The following CATSPER4 variants were observed in gnomAD, a reference collection of about 807,000 sequenced individuals.
The protein encoded by CATSPER4 is cation channel sperm-associated protein 4.
A neutral mutation model predicts 54.4 loss-of-function variants in CATSPER4; 46 were observed. The observed-to-expected ratio is 0.84, with a 90% CI of 0.67 to 1.08. The LOEUF is 1.08. CATSPER4 is among the 50% of genes least tolerant of loss of function. CATSPER4 has a pLI of 0.00. For missense variants in CATSPER4, 574 were observed against 612.8 expected (o/e 0.94, Z 0.67); for synonymous variants, 230 against 231.9 (o/e 0.99, Z 0.08).
chr1:26,190,710 G>GT lies in CATSPER4; in HGVS notation c.84dup (p.Met29TyrfsTer95). On this transcript the variant is annotated frameshift_variant, in exon 1 of 10. Transcript: ENST00000456354. LOFTEE classifies it high-confidence loss of function. ...GGGTGGGGCGGGACTCAGGAGGACC[G>GT]TATGGGGTTTGGAGGGGCAGTAGCT... 1.9e-6 allele frequency: 3 copies of GT among 1,613,210 alleles called. No individual in the cohort carries two copies. Among genetic ancestry groups the GT allele is most frequent in the Non-Finnish European group, 2.5e-6 (3 of 1,179,926 alleles).
Position 26,198,032 on chromosome 1 carries a change from G to A in CATSPER4, c.633G>A (p.Val211=), listed in dbSNP as rs1226198567. 2 of 1,614,004 alleles carry A rather than the reference G, an allele frequency of 1.2e-6. No individual in the cohort carries two copies. The highest frequency in any genetic ancestry group is 3.3e-5 in the Admixed American group (2 of 60,026). Residue 211 remains valine (V), a synonymous_variant, in exon 5 of 10, where the codon GTG becomes GTA. Transcript: ENST00000456354. ...ARIIRVILQS[V]PDMANIMVLI... ...TCATCCGCGTCATCCTGCAGTCGGT[G>A]CCTGACATGGCCAATATCATGGTCC...
In CATSPER4 at chr1:26,201,539, C is replaced by T; in HGVS notation, c.1365+20C>T. 1 of 1,613,408 alleles carries T rather than the reference C, an allele frequency of 6.2e-7. No homozygotes were observed. The highest frequency in any genetic ancestry group is 1.3e-5 in the African/African-American group (1 of 75,018). On this transcript the variant is annotated intron_variant, in intron 9 of 9. Coordinates refer to ENST00000456354, the MANE Select transcript of CATSPER4 (RefSeq NM_198137.2). Reference sequence around the variant, plus strand: ...GAAAAGGTGTGCCTTCCTTCTCCTACCCAATGGGTACTCGCCCTGACACTC... The same window carrying T: ...GAAAAGGTGTGCCTTCCTTCTCCTATCCAATGGGTACTCGCCCTGACACTC...
chr1:26,190,726 G>A lies in CATSPER4; in HGVS notation c.99G>A (p.Gly33=). The A allele has an allele frequency of 4.3e-6, 7 of 1,613,498 alleles. No homozygotes were observed. The highest frequency in any genetic ancestry group is 5.9e-6 in the Non-Finnish European group (7 of 1,179,908). Reference sequence around the variant, plus strand: ...AGGAGGACCGTATGGGGTTTGGAGGGGCAGTAGCTGCACTGAGGGGCCGCC... The same window carrying A: ...AGGAGGACCGTATGGGGTTTGGAGGAGCAGTAGCTGCACTGAGGGGCCGCC... ...GTQEDRMGFG[G]AVAALRGRPS... is the part of the protein sequence containing the mutation. Residue 33 remains glycine, a synonymous_variant, in exon 1 of 10, where the codon GGG becomes GGA. Coordinates refer to ENST00000456354, the MANE Select transcript of CATSPER4 (RefSeq NM_198137.2).
At position 26,193,436 on chromosome 1, in the gene CATSPER4, A is replaced by G. The variant is rs2088893906; in HGVS notation, c.358-351A>G. On this transcript the variant is annotated intron_variant, in intron 2 of 9. Coordinates refer to ENST00000456354, the MANE Select transcript of CATSPER4 (RefSeq NM_198137.2). ...TTCTGCCTCTCCTACCTCCCTCTCC[A>G]AAATATCCCTATTCTAGAAGTTAGG... 2.0e-5 allele frequency among the ~76,000 whole-genome samples: 3 copies of G among 152,170 alleles called. No homozygotes were observed. In the South Asian group the frequency reaches 6.2e-4, roughly 31 times the overall value.
intron 3 of CATSPER4, among the ~76,000 whole-genome samples, chr1:26,196,267 G>A (rs942569619): frequency 6.6e-6 from 1 of 150,602 alleles, no homozygotes; most frequent in Admixed American, 6.6e-5. Context: ...ACAGGCAAGG[G>A]TCACCATACC....
chr1:26,195,326 C>A (rs529009957), intron 3 of CATSPER4, among the ~76,000 whole-genome samples: 1 of 152,180 alleles, frequency 6.6e-6, no homozygotes, highest in Admixed American at 6.5e-5. Flanking sequence ...GTATTTGGCT[C>A]CCAGTTCGGC....
Position 26,199,929 on chromosome 1 carries a change from C to T in CATSPER4, c.858C>T (p.Tyr286=). ...CAATGGAGATTGGGGGTGCCATCTA[C>T]TTTACCATCTTCATCACCATCGGTG... ...EYAMEIGGAI[Y]FTIFITIGAF... is the part of the protein sequence containing the mutation. The change falls in exon 7 of 10, where the codon TAC becomes TAT. Residue 286 remains tyrosine, a synonymous_variant. Coordinates refer to ENST00000456354, the MANE Select transcript of CATSPER4 (RefSeq NM_198137.2). 6.2e-7 allele frequency: 1 copy of T among 1,614,208 alleles called. No homozygotes were observed. The highest frequency in any genetic ancestry group is 8.5e-7 in the Non-Finnish European group (1 of 1,180,040).
chr1:26,197,228 C>T (rs963944122), intron 3 of CATSPER4, among the ~76,000 whole-genome samples: 2 of 152,098 alleles, frequency 1.3e-5, no homozygotes, highest in African/African-American at 2.4e-5. Context: ...TTTCTTGTGC[C>T]GTGAGAGCTA....
intron 2 of CATSPER4, among the ~76,000 whole-genome samples, chr1:26,192,967 G>A (rs2088888933): frequency 6.6e-6 from 1 of 151,764 alleles, no homozygotes; most frequent in Non-Finnish European, 1.5e-5. Flanking sequence ...GCCAGGCATG[G>A]TGCGCACGCC....
At position 26,197,770 on chromosome 1, in the gene CATSPER4, A is replaced by C; in HGVS notation, c.544A>C (p.Asn182His). 6.2e-7 allele frequency: 1 copy of C among 1,613,220 alleles called. No homozygotes were observed. Among genetic ancestry groups the C allele is most frequent in the Non-Finnish European group, 8.5e-7 (1 of 1,179,244 alleles). ...FINEINIPSI[N>H]YTLRALRLVH... ...TAATGAAATCAATATTCCCTCCATC[A>C]ACTACACTCTCAGGTGAGCGGGGAG... The change falls in exon 4 of 10, where the codon AAC (asparagine) becomes CAC (histidine). Residue 182 changes from asparagine to histidine, a missense_variant. By Grantham distance (68) the Asn-to-His change is moderately conservative. Transcript: ENST00000456354.
chr1:26,198,567 G>A (rs1211179984), intron 6 of CATSPER4, 148 bp downstream of exon 6: 2 of 965,360 alleles, frequency 2.1e-6, no homozygotes, highest in African/African-American at 3.3e-5. Context: ...AGAGGAAAAG[G>A]AAATACCTGG....
chr1:26,196,273 A>G (rs1306209506), intron 3 of CATSPER4, among the ~76,000 whole-genome samples: 1 of 150,258 alleles, frequency 6.7e-6, no homozygotes, highest in Non-Finnish European at 1.5e-5. Context: ...AAGGGTCACC[A>G]TACCTGGCCT....
At chr1:26,198,588 C>A (rs529586631) in intron 6 of CATSPER4, among the ~76,000 whole-genome samples, 169 bp downstream of exon 6, 2 of 152,314 alleles carry the variant, frequency 1.3e-5, no homozygotes, top group South Asian at 4.1e-4. Context: ...ACTTGTGATA[C>A]CTGAAGCCTT....
chr1:26,197,195 C>T (rs1033079154), intron 3 of CATSPER4, among the ~76,000 whole-genome samples: 11 of 152,276 alleles, frequency 7.2e-5, no homozygotes, highest in African/African-American at 2.6e-4. Context: ...TGTGAGCCAT[C>T]GCGCCTGGCC....
chr1:26,202,947 T>TA lies in CATSPER4; in HGVS notation c.*408dup. 1 of 237,688 alleles carries TA rather than the reference T, an allele frequency of 4.2e-6. No individual in the cohort carries two copies. The highest frequency in any genetic ancestry group is 9.5e-5 in the East Asian group (1 of 10,480). The allele number at this position is 237,688 out of a possible 1,614,324, so 14.7% of individuals were successfully genotyped here. On this transcript the variant is annotated 3_prime_UTR_variant, in exon 10 of 10. Coordinates refer to ENST00000456354, the MANE Select transcript of CATSPER4 (RefSeq NM_198137.2). ...GGGCCAGACATCTGTGTGTTGACAA[T>TA]AAAGTTTTGTGTTGGAATCAATGTC...
At chr1:26,195,870 C>T (rs2124525295) in intron 3 of CATSPER4, among the ~76,000 whole-genome samples, 1 of 152,264 alleles carries the variant, frequency 6.6e-6, no homozygotes, top group East Asian at 1.9e-4. Context: ...TGGCACCAAG[C>T]CATTCATGAC....
intron 8 of CATSPER4, 33 bp downstream of exon 8, chr1:26,201,074 A>C (rs2089002255): frequency 2.6e-6 from 4 of 1,536,442 alleles, no homozygotes; most frequent in Non-Finnish European, 3.6e-6. Context: ...CCCCCAAGTC[A>C]TGTGAGTCAA....
rs1317419926 is a variant in CATSPER4 at position 26,196,266 on chromosome 1, G to A, written c.460-1420G>A. 2.0e-5 allele frequency among the ~76,000 whole-genome samples: 3 copies of A among 149,756 alleles called. No homozygotes were observed. In the East Asian group the frequency reaches 5.8e-4, roughly 29 times the overall value. ...TCAAAGCACCAGGATTACAGGCAAG[G>A]GTCACCATACCTGGCCTCATTTTTC... On this transcript the variant is annotated intron_variant, in intron 3 of 9. Transcript: ENST00000456354.
intron 3 of CATSPER4, among the ~76,000 whole-genome samples, chr1:26,196,144 C>CTTTTTTTTTTTTTTTT: frequency 8.0e-6 from 1 of 125,274 alleles, no homozygotes; most frequent in Non-Finnish European, 1.6e-5. Flanking sequence ...CTTTCTTTTC[C>CTTTTTTTTTTTTTTTT]TTTTTTTTTT....
Sources: gnomAD v4.1 joint callset for allele counts (sites outside exome capture counted in the v4.1 genomes callset) on GRCh38, gnomAD v4.1.1 for gene constraint, MANE v1.5 for transcripts, NCBI Gene and HGNC (gene_info 2026-07-23, HGNC 2026-07-21) for gene names.